The following PIF1 variants were observed in gnomAD, a reference collection of about 807,000 sequenced individuals.
PIF1 encodes the protein ATP-dependent DNA helicase PIF1.
A neutral mutation model predicts 62.3 loss-of-function variants in PIF1; 67 were observed. That is an observed-to-expected ratio of 1.08 (90% confidence interval 0.88 to 1.32). The LOEUF (loss-of-function observed/expected upper bound fraction) is 1.32, where lower values mean the gene tolerates loss of function less well. PIF1 is among the 40% of genes most tolerant of loss of function. PIF1 has a pLI of 0.00. For synonymous variants in PIF1, 364 were observed against 379.5 expected, an observed-to-expected ratio of 0.96 and a Z score of 0.47; for missense variants, 886 against 866.1, an observed-to-expected ratio of 1.02 and a Z score of -0.29.
chr15:64,821,563 CTCTTT>C (rs758198115), intron 4 of PIF1, 43 bp from the exon 5 acceptor site: 37 of 1,333,078 alleles, frequency 2.8e-5, no homozygotes, highest in Admixed American at 1.0e-4. Context: ...CCCAAAGCCT[CTCTTT>C]TTTTTTTTTT....
Position 64,818,303 on chromosome 15 carries a change from C to T in PIF1, c.1482G>A (p.Val494=). 1 of 1,614,108 alleles carries T rather than the reference C, an allele frequency of 6.2e-7. No individual in the cohort carries two copies. The highest frequency in any genetic ancestry group is 1.1e-5 in the South Asian group (1 of 91,076). ...CAACTACCACCCCTCGGGCACCATT[C>T]ACCAGGCCCCGAGACACCGATAAGT... The part of the protein sequence containing the change: ...VKNLSVSRGL[V]NGARGVVVGF... Residue 494 remains valine (V), a synonymous_variant, in exon 10 of 13, where the codon GTG becomes GTA. Coordinates refer to ENST00000559239, the MANE Select transcript of PIF1 (RefSeq NM_001286496.2).
At chr15:64,818,746 A>C in intron 9 of PIF1, 1 of 296,586 alleles carries the variant, frequency 3.4e-6, no homozygotes, top group South Asian at 5.5e-5. Flanking sequence ...CCCTAAGGAA[A>C]ATCTTCTGCC....
At chr15:64,826,723 C>T (rs540972944), upstream of PIF1, among the ~76,000 whole-genome samples, 1 of 135,598 alleles carries the variant, frequency 7.4e-6, no homozygotes, top group East Asian at 2.1e-4. Context: ...TATATATACA[C>T]ACACATATAT....
chr15:64,824,075 G>A lies in PIF1; in HGVS notation c.261C>T (p.Thr87=). ...FTRFAEAGRS[T]LRLPAHDTPG... ...GGGTGTCGTGGGCGGGGAGCCGCAG[G>A]GTGCTGCGCCCGGCCTCGGCGAAAC... Residue 87 remains threonine, a synonymous_variant, in exon 2 of 13, where the codon ACC becomes ACT. Coordinates refer to ENST00000559239, the MANE Select transcript of PIF1 (RefSeq NM_001286496.2). The A allele has an allele frequency of 4.0e-6, 5 of 1,262,210 alleles. No homozygotes were observed. In the Middle Eastern group the frequency reaches 9.1e-4, roughly 231 times the overall value. The allele number at this position is 1,262,210 out of a possible 1,614,324, so 78.2% of individuals were successfully genotyped here.
chr15:64,821,534 T>TATTCAG lies in PIF1; in HGVS notation c.818-20_818-15dup. 6.4e-7 allele frequency: 1 copy of TATTCAG among 1,567,160 alleles called. No homozygotes were observed. Among genetic ancestry groups the TATTCAG allele is most frequent in the Non-Finnish European group, 8.6e-7 (1 of 1,158,810 alleles). ...CTGAGCCGATGCCTGTGAGTGACAC[T>TATTCAG]ATTCAGCCTGGGCTAATACCCAAAG... On this transcript the variant is annotated splice_polypyrimidine_tract_variant and intron_variant, in intron 4 of 12. Transcript: ENST00000559239.
chr15:64,825,835 A>T (rs893586618), upstream of PIF1, among the ~76,000 whole-genome samples: 5 of 152,180 alleles, frequency 3.3e-5, no homozygotes, highest in African/African-American at 1.2e-4. Context: ...GTGGCTGAGC[A>T]TACCAAATCC....
rs373630708 is a variant in PIF1 at position 64,819,865 on chromosome 15, G to A, written c.1315C>T (p.Arg439Trp). 1,800 of 1,613,568 alleles carry A rather than the reference G, an allele frequency of 1.1e-3. 39 individuals are homozygous for A. The South Asian group carries it at 0.019, about 17-fold the overall frequency. The change falls in exon 8 of 13, where the codon CGG becomes TGG. Residue 439 changes from arginine to tryptophan, a missense_variant. Physicochemically the swap from Arg to Trp is moderately radical, Grantham distance 101. Transcript: ENST00000559239. ...QDDVALTNER[R>W]LQELPGKVHR... The stretch of plus-strand genomic sequence containing the variant: ...TGCTCACCTGGCAGCTCCTGAAGCC[G>A]CCTCTCGTTGGTGAGGGCCACATCA...
intron 5 of PIF1, 30 bp downstream of exon 5, chr15:64,821,337 T>C (rs766743312): frequency 2.5e-6 from 4 of 1,613,958 alleles, no homozygotes; most frequent in Middle Eastern, 1.7e-4. Flanking sequence ...AGGTCCCAGT[T>C]CTCACCTGCT....
chr15:64,819,265 C>G (rs2084246734), intron 8 of PIF1, 42 bp from the exon 9 acceptor site: 1 of 1,300,888 alleles, frequency 7.7e-7, no homozygotes, highest in African/African-American at 1.5e-5. Flanking sequence ...AAATCACTGA[C>G]TTGTGACTCA....
chr15:64,824,859 T>TTA (rs1363025191), intron 1 of PIF1, among the ~76,000 whole-genome samples: 42 of 130,194 alleles, frequency 3.2e-4, no homozygotes, highest in Admixed American at 6.8e-4. Flanking sequence ...TATGCATACA[T>TTA]TATATATATG....
chr15:64,825,869 AG>A (rs1323280235), upstream of PIF1, among the ~76,000 whole-genome samples: 2 of 152,118 alleles, frequency 1.3e-5, no homozygotes, highest in Non-Finnish European at 2.9e-5. Flanking sequence ...GCGTGGTGGG[AG>A]GAGGCCGCCG....
Position 64,824,271 on chromosome 15 carries a change from GC to G in PIF1, c.64del (p.Ala22LeufsTer5). The G allele has an allele frequency of 7.8e-7, 1 of 1,284,342 alleles. No individual in the cohort carries two copies. 79.6% of individuals were successfully genotyped at this position (1,284,342 alleles called of 1,614,324 possible). A position where few individuals can be genotyped will look rare whatever the true frequency, so the allele number is the denominator to read the frequency against. ...YEDSELRCRV[A>X]VEELSPGGQP... ...CCCGCCCGGGCTCAGCTCCTCCACAGCCACGCGGCACCGCAGCTCCGAGTCC... is the reference window on the plus strand; with the variant it reads ...CCCGCCCGGGCTCAGCTCCTCCACAGCACGCGGCACCGCAGCTCCGAGTCC... On this transcript the variant is annotated frameshift_variant, in exon 2 of 13. Coordinates refer to ENST00000559239, the MANE Select transcript of PIF1 (RefSeq NM_001286496.2). LOFTEE classifies it high-confidence loss of function.
chr15:64,822,731 T>C, intron 2 of PIF1, 121 bp from the exon 3 acceptor site: 7 of 1,426,452 alleles, frequency 4.9e-6, no homozygotes, highest in Non-Finnish European at 6.6e-6. Flanking sequence ...CTTCATTCCA[T>C]GGAGCTCTTG....
rs761000169 is a variant in PIF1 at position 64,816,573 on chromosome 15, C to G, written c.1866+1G>C. 10 of 1,613,102 alleles carry G rather than the reference C, an allele frequency of 6.2e-6. No individual in the cohort carries two copies. In the Admixed American group the frequency reaches 1.2e-4, roughly 19 times the overall value. ...CCCACCACTGGATGACTCCCTCTTA[C>G]CAGACTGAGGCTCCTGCCCCGCCGC... On this transcript the variant is annotated splice_donor_variant, in intron 12 of 12. Coordinates refer to ENST00000559239, the MANE Select transcript of PIF1 (RefSeq NM_001286496.2). LOFTEE classifies it high-confidence loss of function.
Position 64,816,046 on chromosome 15 carries a change from C to A in PIF1, c.*252G>T. ...AGCTACCACACAGGCTCATTCTCAA[C>A]TGGCACAGAAAGGGTTACTTCTGAC... On this transcript the variant is annotated 3_prime_UTR_variant, in exon 13 of 13. Coordinates refer to ENST00000559239, the MANE Select transcript of PIF1 (RefSeq NM_001286496.2). 1 of 1,464,218 alleles carries A rather than the reference C, an allele frequency of 6.8e-7. No homozygotes were observed. Among genetic ancestry groups the A allele is most frequent in the South Asian group, 1.4e-5 (1 of 69,858 alleles). 90.7% of individuals were successfully genotyped at this position (1,464,218 alleles called of 1,614,324 possible).
chr15:64,816,269 A>G lies in PIF1; in HGVS notation c.*29T>C. The stretch of plus-strand genomic sequence containing the variant: ...CAGGAGGACGGGGAGGCCACAGGCC[A>G]CCCTTTGTCTTCTCTTTGTGGGTGA... On this transcript the variant is annotated 3_prime_UTR_variant, in exon 13 of 13. Transcript: ENST00000559239. The G allele has an allele frequency of 6.2e-7, 1 of 1,613,410 alleles. No individual in the cohort carries two copies. The highest frequency in any genetic ancestry group is 8.5e-7 in the Non-Finnish European group (1 of 1,179,930).
At chr15:64,825,063 ATGGGC>A (rs1436935883) in intron 1 of PIF1, among the ~76,000 whole-genome samples, 1 of 151,722 alleles carries the variant, frequency 6.6e-6, no homozygotes, top group East Asian at 1.9e-4. Context: ...AGAGCGGCGG[ATGGGC>A]ACCGAGGATT....
intron 7 of PIF1, among the ~76,000 whole-genome samples, chr15:64,820,465 T>C (rs564582637): frequency 6.6e-6 from 1 of 152,350 alleles, no homozygotes; most frequent in East Asian, 1.9e-4. Flanking sequence ...GGCATGATCT[T>C]GGCTCACTGC....
chr15:64,824,341 C>T lies in PIF1; in HGVS notation c.-6G>A, dbSNP rs2084337579. On this transcript the variant is annotated 5_prime_UTR_variant, in exon 2 of 13. It adds an upstream start codon to the 5' untranslated region. Coordinates refer to ENST00000559239, the MANE Select transcript of PIF1 (RefSeq NM_001286496.2). The stretch of plus-strand genomic sequence containing the variant: ...GCCTCTATGCCCGAGAGCATCGTCA[C>T]CGCCTCTGCTGGTCTGCGAAGACAC... 2.4e-6 allele frequency: 3 copies of T among 1,248,782 alleles called. No homozygotes were observed. Among genetic ancestry groups the T allele is most frequent in the Non-Finnish European group, 3.0e-6 (3 of 995,970 alleles). 77.4% of individuals were successfully genotyped at this position (1,248,782 alleles called of 1,614,324 possible). A position where few individuals can be genotyped will look rare whatever the true frequency, so the allele number is the denominator to read the frequency against.
Sources: allele counts gnomAD v4.1 joint callset (sites outside exome capture counted in the v4.1 genomes callset), GRCh38; gene constraint gnomAD v4.1.1; transcripts MANE v1.5; gene names NCBI Gene and HGNC (gene_info 2026-07-23, HGNC 2026-07-21).